Variants in ADAMTSL2 observed in about 807,000 individuals in gnomAD.
ADAMTSL2 encodes the protein ADAMTS-like protein 2.
A neutral mutation model predicts 117.0 loss-of-function variants in ADAMTSL2; 55 were observed. The observed-to-expected ratio is 0.47, with a 90% CI of 0.38 to 0.59. ADAMTSL2 has a LOEUF of 0.59. Ranked by LOEUF, ADAMTSL2 falls within the 20% of genes least tolerant of loss-of-function variation. The pLI is 0.00. For synonymous variants in ADAMTSL2, 572 were observed against 566.4 expected (o/e 1.01, Z -0.14); for missense variants, 1,182 against 1,354.5 (o/e 0.87, Z 2.00).
chr9:133,556,296 G>A (rs1010332661), intron 11 of ADAMTSL2, among the ~76,000 whole-genome samples: 1 of 152,226 alleles, frequency 6.6e-6, no homozygotes, highest in African/African-American at 2.4e-5. Context: ...ACATGTCATC[G>A]TCACAACCGC....
chr9:133,539,087 CA>C (rs552305127), intron 4 of ADAMTSL2, among the ~76,000 whole-genome samples: 117 of 152,256 alleles, frequency 7.7e-4, no homozygotes, highest in African/African-American at 2.7e-3. Context: ...CTGTGTGTCT[CA>C]GGGGGTGTGT....
rs915366509 is a variant in ADAMTSL2, at chr9:133,538,996, C to T, written c.309+572C>T. ...TGCAGGGCGTGAGGCTGGGGCACGC[C>T]GAGCTGGGATCTGGGCCTCCCAGGC... is the stretch of plus-strand genomic sequence containing the variant. On this transcript the variant is annotated intron_variant, in intron 4 of 18. Coordinates refer to ENST00000651351, the MANE Select transcript of ADAMTSL2 (RefSeq NM_014694.4). Among the ~76,000 whole-genome samples, 25 of 152,298 alleles carry T rather than the reference C, an allele frequency of 1.6e-4. 1 individual carries two copies. Among genetic ancestry groups the T allele is most frequent in the African/African-American group, 3.1e-4 (13 of 41,570 alleles).
intron 12 of ADAMTSL2, among the ~76,000 whole-genome samples, chr9:133,562,546 C>G (rs1339311604): frequency 9.4e-6 from 1 of 106,216 alleles, no homozygotes; most frequent in Non-Finnish European, 2.0e-5. Flanking sequence ...GCCCGGCTCG[C>G]ACCGCCGTGG....
rs1830987573 is a variant in ADAMTSL2, at chr9:133,566,940, C to G, written c.1752C>G (p.Val584=). Residue 584 remains valine (V), a synonymous_variant, in exon 13 of 19, where the codon GTC becomes GTG. Transcript: ENST00000651351. ...EPCSATCTTG[V]MSAYAMCVRY... is the part of the protein sequence containing the mutation. ...CCACCCCTGTCCCCAACCCAGGGGT[C>G]ATGTCTGCGTACGCCATGTGTGTCC... 1.2e-6 allele frequency: 2 copies of G among 1,607,266 alleles called. No individual in the cohort carries two copies. The highest frequency in any genetic ancestry group is 2.7e-5 in the African/African-American group (2 of 74,840).
intron 12 of ADAMTSL2, among the ~76,000 whole-genome samples, chr9:133,563,801 G>A (rs1588301788): frequency 1.4e-5 from 2 of 142,734 alleles, no homozygotes; most frequent in African/African-American, 5.3e-5. Flanking sequence ...GAGACAGAGA[G>A]AGAGAGAGAG....
chr9:133,559,699 G>A (rs1266761947), intron 11 of ADAMTSL2, among the ~76,000 whole-genome samples: 2 of 152,078 alleles, frequency 1.3e-5, no homozygotes, highest in Non-Finnish European at 2.9e-5. Flanking sequence ...AGAGGGAGGA[G>A]AAGGCACTCT....
intron 5 of ADAMTSL2, 23 bp downstream of exon 5, chr9:133,539,896 A>G (rs992520096): frequency 1.9e-6 from 3 of 1,548,430 alleles, no homozygotes; most frequent in Non-Finnish European, 2.6e-6. Flanking sequence ...CTGGGGACCC[A>G]CCTTGCAGGG....
At chr9:133,568,578 C>T (rs1588309426) in intron 14 of ADAMTSL2, 25 bp from the exon 15 acceptor site, 1 of 1,557,900 alleles carries the variant, frequency 6.4e-7, no homozygotes. Flanking sequence ...CACACCCCCC[C>T]TGCCCCCTCC....
chr9:133,549,990 C>A (rs1031439486), intron 9 of ADAMTSL2, among the ~76,000 whole-genome samples: 9 of 152,362 alleles, frequency 5.9e-5, no homozygotes, highest in African/African-American at 2.2e-4. Flanking sequence ...GGGCACACAG[C>A]ACCAGGACTA....
At chr9:133,559,683 T>G (rs1266282164) in intron 11 of ADAMTSL2, among the ~76,000 whole-genome samples, 4 of 151,940 alleles carry the variant, frequency 2.6e-5, no homozygotes, top group Non-Finnish European at 4.4e-5. Flanking sequence ...TCCTCTAAGT[T>G]CTGAAAGAGG....
intron 15 of ADAMTSL2, among the ~76,000 whole-genome samples, chr9:133,568,981 C>T (rs1044493842): frequency 6.6e-6 from 1 of 152,198 alleles, no homozygotes; most frequent in Non-Finnish European, 1.5e-5. Flanking sequence ...GTATCTCTCT[C>T]TGCCTTTGTC....
At position 133,555,729 on chromosome 9, in the gene ADAMTSL2, C is replaced by CTGTGA; in HGVS notation, c.1448_1449insTGTGA (p.Gln484ValfsTer36). 1 of 1,614,026 alleles carries CTGTGA rather than the reference C, an allele frequency of 6.2e-7. No individual in the cohort carries two copies. Among genetic ancestry groups the CTGTGA allele is most frequent in the Non-Finnish European group, 8.5e-7 (1 of 1,180,042 alleles). On this transcript the variant is annotated frameshift_variant, in exon 11 of 19. Transcript: ENST00000651351. LOFTEE classifies it high-confidence loss of function. Reference sequence around the variant, plus strand: ...AATGAGACTGTGAACAGCATCTTTGCACAGGGCGCCCCAAGGAGCTCCCTG... The same window carrying CTGTGA: ...AATGAGACTGTGAACAGCATCTTTGCTGTGAACAGGGCGCCCCAAGGAGCTCCCTG...
rs7032383 is a variant in ADAMTSL2, at chr9:133,562,864, T to C, written c.1747+1569T>C. On this transcript the variant is annotated intron_variant, in intron 12 of 18. Transcript: ENST00000651351. Reference sequence around the variant, plus strand: ...CCCGGCTTGGCCAGGCTCGCACCGCTGTGGGAGGCGTGGTGGGCACCCGGC... The same window carrying C: ...CCCGGCTTGGCCAGGCTCGCACCGCCGTGGGAGGCGTGGTGGGCACCCGGC... 3.2e-3 allele frequency among the ~76,000 whole-genome samples: 286 copies of C among 90,104 alleles called. 19 individuals are homozygous for C. Among genetic ancestry groups the C allele is most frequent in the African/African-American group, 3.6e-3 (76 of 21,174 alleles). The allele number at this position is 90,104 out of a possible 152,430, so 59.1% of individuals were successfully genotyped here.
intron 12 of ADAMTSL2, among the ~76,000 whole-genome samples, chr9:133,562,695 C>T (rs1403691006): frequency 1.4e-5 from 2 of 144,172 alleles, no homozygotes; most frequent in East Asian, 4.1e-4. Flanking sequence ...CCGTGGGCGG[C>T]GTGGTGGGCA....
Position 133,555,733 on chromosome 9 carries a change from G to T in ADAMTSL2, c.1452G>T (p.Gln484His). The T allele has an allele frequency of 1.9e-6, 3 of 1,614,028 alleles. No homozygotes were observed. Among genetic ancestry groups the T allele is most frequent in the Non-Finnish European group, 2.5e-6 (3 of 1,180,044 alleles). ...AGACTGTGAACAGCATCTTTGCACA[G>T]GGCGCCCCAAGGAGCTCCCTGGCCG... Reference protein sequence around the residue: ...LNETVNSIFAQGAPRSSLAES... With the variant: ...LNETVNSIFAHGAPRSSLAES... Residue 484 changes from glutamine (Q) to histidine (H), a missense_variant, in exon 11 of 19, where the codon CAG becomes CAT. By Grantham distance (24) the Gln-to-His change is conservative. Coordinates refer to ENST00000651351, the MANE Select transcript of ADAMTSL2 (RefSeq NM_014694.4).
At chr9:133,548,425 C>T (rs1258732624) in intron 9 of ADAMTSL2, among the ~76,000 whole-genome samples, 2 of 152,190 alleles carry the variant, frequency 1.3e-5, no homozygotes, top group African/African-American at 2.4e-5. Context: ...GGACTGACCA[C>T]TTGGCTTTGC....
intron 11 of ADAMTSL2, among the ~76,000 whole-genome samples, chr9:133,559,353 T>C (rs1830675872): frequency 3.3e-5 from 3 of 91,974 alleles, no homozygotes; most frequent in Admixed American, 1.1e-4. Context: ...CCACCCCCAT[T>C]TTTTTTTTTT....
upstream of ADAMTSL2, chr9:133,534,703 C>T (rs928470300): frequency 2.9e-6 from 4 of 1,366,600 alleles, no homozygotes; most frequent in Non-Finnish European, 3.8e-6. Flanking sequence ...GCAGAGCCGC[C>T]ACTGGGCTGC....
chr9:133,540,532 G>A, intron 5 of ADAMTSL2, 66 bp from the exon 6 acceptor site: 4 of 1,585,152 alleles, frequency 2.5e-6, no homozygotes, highest in Non-Finnish European at 3.4e-6. Context: ...GGAGGAAAAG[G>A]GAAGTCCTCT....
Sources: allele counts gnomAD v4.1 joint callset (sites outside exome capture counted in the v4.1 genomes callset), GRCh38; gene constraint gnomAD v4.1.1; transcripts MANE v1.5; gene names NCBI Gene and HGNC (gene_info 2026-07-23, HGNC 2026-07-21).